Variants in TMEM108 observed in about 807,000 individuals in gnomAD.
TMEM108 encodes cancer/testis antigen 124.
TMEM108 carries 12 observed loss-of-function variants against 35.1 expected under a neutral mutation model. The observed-to-expected ratio is 0.34, with a 90% CI of 0.22 to 0.55. The LOEUF (loss-of-function observed/expected upper bound fraction) is 0.55, where lower values mean the gene tolerates loss of function less well. Ranked by LOEUF, TMEM108 falls within the 20% of genes least tolerant of loss-of-function variation. TMEM108 has a pLI of 0.89. For synonymous variants in TMEM108, 287 were observed against 308.6 expected (o/e 0.93, Z 0.73); for missense variants, 680 against 753.3 (o/e 0.90, Z 1.14).
At chr3:133,154,313 T>G (rs1411207216) in intron 2 of TMEM108, among the ~76,000 whole-genome samples, 19 of 152,022 alleles carry the variant, frequency 1.2e-4, no homozygotes, top group Admixed American at 1.1e-3. Context: ...ATTTGTCAAT[T>G]TTGGCTTTTG....
intron 3 of TMEM108, among the ~76,000 whole-genome samples, chr3:133,344,168 C>A (rs1468661762): frequency 6.6e-6 from 1 of 151,438 alleles, no homozygotes; most frequent in Non-Finnish European, 1.5e-5. Context: ...CCCTTAAATT[C>A]AAAAAAGTAA....
chr3:133,055,620 A>G (rs1311412606), intron 2 of TMEM108, among the ~76,000 whole-genome samples: 1 of 152,176 alleles, frequency 6.6e-6, no homozygotes, highest in African/African-American at 2.4e-5. Context: ...GAACTGCCCT[A>G]TTCTTCCTAT....
intron 3 of TMEM108, chr3:133,303,362 C>T (rs1224304194): frequency 2.0e-5 from 3 of 152,108 alleles, no homozygotes; most frequent in Non-Finnish European, 4.4e-5. Context: ...TTGGACCTTT[C>T]AAAGGTAGTG....
intron 2 of TMEM108, among the ~76,000 whole-genome samples, chr3:133,171,775 G>A (rs1389061798): frequency 6.6e-6 from 1 of 152,218 alleles, no homozygotes; most frequent in African/African-American, 2.4e-5. Context: ...TTACAGTTAT[G>A]AGAGGACTCC....
intron 2 of TMEM108, among the ~76,000 whole-genome samples, chr3:133,165,110 C>G (rs1945018132): frequency 6.6e-6 from 1 of 151,966 alleles, no homozygotes; most frequent in Admixed American, 6.6e-5. Flanking sequence ...CATTGAACAC[C>G]CAGAAAGACT....
chr3:133,085,971 A>G (rs1299158709), intron 2 of TMEM108, among the ~76,000 whole-genome samples: 1 of 152,144 alleles, frequency 6.6e-6, no homozygotes, highest in African/African-American at 2.4e-5. Context: ...TCTATTTTTC[A>G]CTAATTTCAT....
intron 3 of TMEM108, chr3:133,247,174 G>A (rs1946399092): frequency 6.6e-6 from 1 of 152,174 alleles, no homozygotes; most frequent in Non-Finnish European, 1.5e-5. Context: ...TGTCAAGAAT[G>A]GGATCCTTAG....
chr3:133,145,481 T>A (rs923178093), intron 2 of TMEM108, among the ~76,000 whole-genome samples: 4 of 152,072 alleles, frequency 2.6e-5, no homozygotes, highest in Admixed American at 6.6e-5. Flanking sequence ...TTAAAGTAGT[T>A]TTTTTTCTAA....
chr3:133,136,889 C>A (rs114039488), intron 2 of TMEM108, among the ~76,000 whole-genome samples: 2 of 152,162 alleles, frequency 1.3e-5, no homozygotes, highest in African/African-American at 2.4e-5. Context: ...CCTGCTGTGT[C>A]GCTCAGCTGC....
intron 3 of TMEM108, among the ~76,000 whole-genome samples, chr3:133,378,039 A>C (rs2072893718): frequency 6.6e-6 from 1 of 152,220 alleles, no homozygotes; most frequent in Non-Finnish European, 1.5e-5. Flanking sequence ...GTCTTCCACA[A>C]AACCAAGTGG....
intron 1 of TMEM108, among the ~76,000 whole-genome samples, chr3:133,040,264 T>G (rs1179705590): frequency 6.7e-6 from 1 of 148,300 alleles, no homozygotes; most frequent in African/African-American, 2.5e-5. Flanking sequence ...AGTGCAGTGG[T>G]GCGATCTCGG....
chr3:133,365,170 A>G (rs1015904891), intron 3 of TMEM108, among the ~76,000 whole-genome samples: 2 of 152,174 alleles, frequency 1.3e-5, no homozygotes, highest in African/African-American at 4.8e-5. Context: ...CCGGAATGAG[A>G]ACCTCATTGT....
At position 133,255,654 on chromosome 3, in the gene TMEM108, A is replaced by G. The variant is rs190294977; in HGVS notation, c.40+26303A>G. Among the ~76,000 whole-genome samples, 16 of 152,284 alleles carry G rather than the reference A, an allele frequency of 1.1e-4. No individual in the cohort carries two copies. The East Asian group carries it at 3.1e-3, about 29-fold the overall frequency. On this transcript the variant is annotated intron_variant, in intron 3 of 5. Coordinates refer to ENST00000321871, the MANE Select transcript of TMEM108 (RefSeq NM_023943.4). ...CTTAGAATATTTTCTAGAATGTATG[A>G]AAGATATGCATACTCAGATTCTGGG...
intron 3 of TMEM108, among the ~76,000 whole-genome samples, chr3:133,348,622 C>G (rs892735376): frequency 6.6e-6 from 1 of 152,142 alleles, no homozygotes; most frequent in African/African-American, 2.4e-5. Context: ...GGCCTGTGTT[C>G]CCTGACATCA....
chr3:133,069,884 A>T (rs2107688543), intron 2 of TMEM108, among the ~76,000 whole-genome samples: 1 of 152,196 alleles, frequency 6.6e-6, no homozygotes, highest in Middle Eastern at 3.4e-3. Context: ...TATTTTGTAT[A>T]TTTACATATT....
intron 2 of TMEM108, among the ~76,000 whole-genome samples, chr3:133,169,129 C>G (rs1202331899): frequency 6.6e-6 from 1 of 152,202 alleles, no homozygotes; most frequent in African/African-American, 2.4e-5. Flanking sequence ...ACACACTACT[C>G]CCAAGATAAC....
At chr3:133,121,847 G>A (rs1297973202) in intron 2 of TMEM108, among the ~76,000 whole-genome samples, 2 of 152,184 alleles carry the variant, frequency 1.3e-5, no homozygotes, top group Non-Finnish European at 2.9e-5. Context: ...CTGGGGATAT[G>A]TGGAAATGAA....
At chr3:133,069,323 GTC>G (rs1427781832) in intron 2 of TMEM108, among the ~76,000 whole-genome samples, 1 of 152,126 alleles carries the variant, frequency 6.6e-6, no homozygotes, top group African/African-American at 2.4e-5. Flanking sequence ...TTGGCATTGG[GTC>G]TTTACATAAG....
Position 133,152,518 on chromosome 3 carries a change from C to T in TMEM108, c.-46-76748C>T, listed in dbSNP as rs543715545. 1.6e-4 allele frequency among the ~76,000 whole-genome samples: 24 copies of T among 152,214 alleles called. No individual in the cohort carries two copies. In the South Asian group the frequency reaches 3.9e-3, roughly 25 times the overall value. On this transcript the variant is annotated intron_variant, in intron 2 of 5. Transcript: ENST00000321871. ...TCTTTATAGTTGTTTTAGAAATTGT[C>T]GTCATCTATTTGGGTTATGCCTTTG... is the stretch of plus-strand genomic sequence containing the variant.
Sources: gnomAD v4.1 joint callset for allele counts (sites outside exome capture counted in the v4.1 genomes callset) on GRCh38, gnomAD v4.1.1 for gene constraint, MANE v1.5 for transcripts, NCBI Gene and HGNC (gene_info 2026-07-23, HGNC 2026-07-21) for gene names.